The following PKD1L3 variants were observed in gnomAD, a reference collection of about 807,000 sequenced individuals.
PKD1L3 encodes polycystin-1-like protein 3.
A neutral mutation model predicts 184.1 loss-of-function variants in PKD1L3; 239 were observed. The observed-to-expected ratio is 1.30, with a 90% CI of 1.17 to 1.45. The LOEUF is 1.45. PKD1L3 is among the 40% of genes most tolerant of loss of function. The pLI, the probability that PKD1L3 is intolerant of heterozygous loss-of-function variation, is 0.00. For missense variants in PKD1L3, 2,660 were observed against 2,067.2 expected (o/e 1.29, Z -5.56); for synonymous variants, 996 against 778.8 (o/e 1.28, Z -4.64).
In PKD1L3 at chr16:71,945,301, TATATACACACACACACACAC is replaced by T. The variant is rs1480299127; in HGVS notation, c.3719-1151_3719-1132del. 8.8e-3 allele frequency among the ~76,000 whole-genome samples: 487 copies of T among 55,578 alleles called. 2 individuals carry two copies. Among genetic ancestry groups the T allele is most frequent in the East Asian group, 0.061 (63 of 1,030 alleles). The allele number at this position is 55,578 out of a possible 152,430, so 36.5% of individuals were successfully genotyped here. A position where few individuals can be genotyped will look rare whatever the true frequency, so the allele number is the denominator to read the frequency against. The stretch of plus-strand genomic sequence containing the variant: ...ATATATATATATATATATATATATA[TATATACACACACACACACAC>T]ATATATACACACACACACACATATA... On this transcript the variant is annotated intron_variant, in intron 22 of 29. Coordinates refer to ENST00000620267, the MANE Select transcript of PKD1L3 (RefSeq NM_181536.2).
chr16:71,977,319 A>T lies in PKD1L3; in HGVS notation c.1676T>A (p.Leu559His). 2.6e-6 allele frequency: 4 copies of T among 1,545,240 alleles called. No individual in the cohort carries two copies. Among genetic ancestry groups the T allele is most frequent in the Non-Finnish European group, 3.5e-6 (4 of 1,141,170 alleles). ...IDPDSPLLMT[L>H]YLGFQYQPNC... ...AGGCTGATACTGGAACCCCAGGTAG[A>T]GTGTCATTAAAAGGGGACTGTCAGG... Residue 559 changes from leucine to histidine, a missense_variant, in exon 11 of 30, where the codon CTC becomes CAC. Leu to His is a moderately conservative substitution (Grantham distance 99). Transcript: ENST00000620267.
chr16:71,986,327 T>A lies in PKD1L3; in HGVS notation c.728A>T (p.His243Leu). ...TGTTTCTGCCAGAGATTGCCCAGCA[T>A]GCGTGACAGACACGGGCATGGTGAG... The part of the protein sequence containing the change: ...TQLTMPVSVT[H>L]AGQSLAETTS... Residue 243 changes from histidine to leucine, a missense_variant, in exon 5 of 30, where the codon CAT becomes CTT. His to Leu is a moderately conservative substitution (Grantham distance 99). Coordinates refer to ENST00000620267, the MANE Select transcript of PKD1L3 (RefSeq NM_181536.2). 6.4e-7 allele frequency: 1 copy of A among 1,552,092 alleles called. No homozygotes were observed. The highest frequency in any genetic ancestry group is 8.7e-7 in the Non-Finnish European group (1 of 1,147,080).
intron 11 of PKD1L3, among the ~76,000 whole-genome samples, chr16:71,973,998 T>C (rs571104945): frequency 9.6e-5 from 4 of 41,574 alleles, no homozygotes; most frequent in Non-Finnish European, 1.8e-4. Flanking sequence ...TGAGATTTTG[T>C]CTCAAAAAAA....
At chr16:71,929,847 CTATT>C (rs2037865208) in intron 29 of PKD1L3, 169 bp from the exon 30 acceptor site, 10 of 956,830 alleles carry the variant, frequency 1.0e-5, no homozygotes, top group Middle Eastern at 3.3e-4. Flanking sequence ...TGCGAGCCAA[CTATT>C]TATAGGACAA....
chr16:71,943,419 TC>T (rs1291268336), intron 23 of PKD1L3, among the ~76,000 whole-genome samples: 3 of 148,432 alleles, frequency 2.0e-5, no homozygotes, highest in Non-Finnish European at 4.4e-5. Flanking sequence ...GTGCCTGTAA[TC>T]CCAGCTAACC....
In PKD1L3 at chr16:71,959,084, CAAAAAAAAA is replaced by C. The variant is rs34063785; in HGVS notation, c.2612+4112_2612+4120del. On this transcript the variant is annotated intron_variant, in intron 16 of 29. Coordinates refer to ENST00000620267, the MANE Select transcript of PKD1L3 (RefSeq NM_181536.2). ...GGATGACAGAGCAAGACTCCCGTCT[CAAAAAAAAA>C]AAAAAAAAAAAGACACTAAAAGAAT... Among the ~76,000 whole-genome samples, 592 of 77,038 alleles carry C rather than the reference CAAAAAAAAA, an allele frequency of 7.7e-3. 1 individual carries two copies. The highest frequency in any genetic ancestry group is 0.014 in the Admixed American group (82 of 5,940). The allele number at this position is 77,038 out of a possible 152,430, so 50.5% of individuals were successfully genotyped here.
intron 16 of PKD1L3, among the ~76,000 whole-genome samples, chr16:71,956,805 A>G (rs371878479): frequency 6.6e-6 from 1 of 152,212 alleles, no homozygotes; most frequent in African/African-American, 2.4e-5. Flanking sequence ...GAAGATGGTA[A>G]ATGTTATGTG....
At chr16:71,974,897 C>T (rs888968799) in intron 11 of PKD1L3, among the ~76,000 whole-genome samples, 6 of 148,076 alleles carry the variant, frequency 4.1e-5, no homozygotes, top group East Asian at 2.0e-4. Flanking sequence ...GTGGTCATGA[C>T]GGGAGACTGT....
intron 16 of PKD1L3, among the ~76,000 whole-genome samples, chr16:71,956,239 G>C (rs969294997): frequency 6.1e-5 from 8 of 130,254 alleles, no homozygotes; most frequent in Non-Finnish European, 1.2e-4. Flanking sequence ...TGTCACCTAG[G>C]ATGGAGTGCA....
At chr16:71,965,495 C>A (rs1478587158) in intron 15 of PKD1L3, among the ~76,000 whole-genome samples, 5 of 151,746 alleles carry the variant, frequency 3.3e-5, no homozygotes, top group African/African-American at 1.2e-4. Flanking sequence ...TACACTCTCA[C>A]TAGGGGCGTG....
intron 24 of PKD1L3, among the ~76,000 whole-genome samples, chr16:71,941,663 C>A (rs989471892): frequency 2.1e-5 from 3 of 146,114 alleles, no homozygotes; most frequent in Non-Finnish European, 4.5e-5. Flanking sequence ...CAGCTCACTG[C>A]AACCTCCACC....
At chr16:71,985,574 G>A (rs1225913566) in intron 5 of PKD1L3, among the ~76,000 whole-genome samples, 1 of 152,008 alleles carries the variant, frequency 6.6e-6, no homozygotes, top group Admixed American at 6.6e-5. Context: ...TGGGACTACA[G>A]GCACATGCCA....
chr16:71,967,307 G>A lies in PKD1L3; in HGVS notation c.2295C>T (p.Ile765=). ...RSAATTAKVV[I]TLYGSEGRSE... is the part of the protein sequence containing the mutation. The stretch of plus-strand genomic sequence containing the variant: ...TCCGTCCCTCTGATCCATAGAGGGT[G>A]ATGACAACCTACAATGAGACAGGGA... Residue 765 remains isoleucine, a synonymous_variant, in exon 15 of 30, where the codon ATC becomes ATT. Coordinates refer to ENST00000620267, the MANE Select transcript of PKD1L3 (RefSeq NM_181536.2). 1.3e-6 allele frequency: 2 copies of A among 1,550,224 alleles called. No individual in the cohort carries two copies. Among genetic ancestry groups the A allele is most frequent in the Non-Finnish European group, 8.7e-7 (1 of 1,146,366 alleles).
At chr16:71,951,236 C>T (rs561018088) in intron 19 of PKD1L3, among the ~76,000 whole-genome samples, 104 of 151,628 alleles carry the variant, frequency 6.9e-4, no homozygotes, top group Non-Finnish European at 1.3e-3. Context: ...GACAGGGTTT[C>T]GCCATGTTGG....
chr16:71,990,937 G>A (rs189048249), intron 3 of PKD1L3, among the ~76,000 whole-genome samples: 4 of 152,040 alleles, frequency 2.6e-5, no homozygotes, highest in Admixed American at 6.6e-5. Flanking sequence ...AACGAAAAAG[G>A]TTATTTCCCC....
At chr16:71,981,351 G>A (rs8051430) in intron 7 of PKD1L3, among the ~76,000 whole-genome samples, 115,110 of 151,472 alleles carry the variant, frequency 0.76, 43,967 homozygotes, top group South Asian at 0.86. Flanking sequence ...ACAATGGATA[G>A]GGTGGCAAGT....
chr16:71,970,635 C>T lies in PKD1L3; in HGVS notation c.1954-530G>A, dbSNP rs1410816349. Among the ~76,000 whole-genome samples, 3 of 151,970 alleles carry T rather than the reference C, an allele frequency of 2.0e-5. No individual in the cohort carries two copies. The South Asian group carries it at 6.2e-4, about 32-fold the overall frequency. ...CCAGCCTGGACAACATGGTGAAACC[C>T]CATCTCTACTAAAAATATAAAAATT... On this transcript the variant is annotated intron_variant, in intron 12 of 29. Transcript: ENST00000620267.
At chr16:71,994,562 A>C (rs569359243) in intron 2 of PKD1L3, among the ~76,000 whole-genome samples, 123 of 152,260 alleles carry the variant, frequency 8.1e-4, no homozygotes, top group Non-Finnish European at 1.3e-3. Context: ...CTTAAAAAAA[A>C]CCCAGCAACT....
At chr16:71,948,952 A>C (rs756092830) in intron 21 of PKD1L3, among the ~76,000 whole-genome samples, 2 of 151,916 alleles carry the variant, frequency 1.3e-5, no homozygotes, top group East Asian at 3.9e-4. Flanking sequence ...CTTTGTATTT[A>C]TATTTATTTT....
Sources: gnomAD v4.1 joint callset for allele counts (sites outside exome capture counted in the v4.1 genomes callset) on GRCh38, gnomAD v4.1.1 for gene constraint, MANE v1.5 for transcripts, NCBI Gene and HGNC (gene_info 2026-07-23, HGNC 2026-07-21) for gene names.